The following IL1RAPL1 variants were observed in gnomAD, a reference collection of about 807,000 sequenced individuals.
IL1RAPL1 encodes interleukin-1 receptor accessory protein-like 1.
A neutral mutation model predicts 48.4 loss-of-function variants in IL1RAPL1; 3 were observed. That is an observed-to-expected ratio of 0.06 (90% CI 0.03 to 0.16). IL1RAPL1 has a LOEUF of 0.16. IL1RAPL1 is among the 10% of genes least tolerant of loss of function. IL1RAPL1 has a pLI of 1.00. For missense variants in IL1RAPL1, 349 were observed against 530.6 expected (o/e 0.66, Z 3.36); for synonymous variants, 185 against 187.7 (o/e 0.99, Z 0.12).
At chrX:29,180,217 CA>C (rs751397032) in intron 2 of IL1RAPL1, among the ~76,000 whole-genome samples, 1,162 of 101,590 alleles carry the variant, frequency 0.011, 22 homozygotes, top group African/African-American at 0.035. Flanking sequence ...GAACTACTGT[CA>C]AAAAAAAAAA....
At position 29,172,927 on chromosome X, in the gene IL1RAPL1, C is replaced by G. The variant is rs139171216; in HGVS notation, c.83-110011C>G. On this transcript the variant is annotated intron_variant, in intron 2 of 10. Coordinates refer to ENST00000378993, the MANE Select transcript of IL1RAPL1 (RefSeq NM_014271.4). ...TTTGGCATGGGATCATTTATCTGAC[C>G]ACAAGCTGAGCAGGGAGACTGTTGT... 1.3e-3 allele frequency among the ~76,000 whole-genome samples: 145 copies of G among 111,405 alleles called. No homozygotes were observed. The East Asian group carries it at 0.025, about 19-fold the overall frequency.
chrX:29,735,213 T>G (rs984227477), intron 6 of IL1RAPL1, among the ~76,000 whole-genome samples: 1 of 111,432 alleles, frequency 9.0e-6, no homozygotes, highest in Non-Finnish European at 1.9e-5. Flanking sequence ...CCTTGGCTCA[T>G]GGTCTCTTCC....
chrX:28,997,497 T>A (rs2147385716), intron 2 of IL1RAPL1, among the ~76,000 whole-genome samples: 1 of 111,197 alleles, frequency 9.0e-6, no homozygotes, highest in East Asian at 2.8e-4. Flanking sequence ...CCCTGTCATG[T>A]TTATCATTTA....
intron 5 of IL1RAPL1, among the ~76,000 whole-genome samples, chrX:29,465,389 G>C (rs905456647): frequency 8.9e-6 from 1 of 111,908 alleles, no homozygotes; most frequent in Non-Finnish European, 1.9e-5. Context: ...CTGGGTAACA[G>C]GGTGAGGCCC....
chrX:29,780,798 A>G (rs767281145), intron 6 of IL1RAPL1, among the ~76,000 whole-genome samples: 1 of 111,824 alleles, frequency 8.9e-6, no homozygotes. Flanking sequence ...TAATCATATT[A>G]AAGAGTGTTA....
chrX:28,601,349 T>C (rs1335299184), intron 1 of IL1RAPL1, among the ~76,000 whole-genome samples: 2 of 111,398 alleles, frequency 1.8e-5, no homozygotes, highest in African/African-American at 6.5e-5. Flanking sequence ...TGCTTGAACC[T>C]GGGAGGCAGA....
At chrX:29,255,126 TGTGTGTGTGTGTGTGC>T (rs1162145714) in intron 2 of IL1RAPL1, among the ~76,000 whole-genome samples, 3 of 96,495 alleles carry the variant, frequency 3.1e-5, no homozygotes, top group Admixed American at 1.1e-4. Context: ...AAGGTATTTG[TGTGTGTGTGTGTGTGC>T]GTGTGTGTGT....
At chrX:29,829,462 AC>A (rs66739089) in intron 6 of IL1RAPL1, among the ~76,000 whole-genome samples, 56,001 of 109,343 alleles carry the variant, frequency 0.51, 12,360 homozygotes, top group Non-Finnish European at 0.7. Flanking sequence ...AATAATCTGT[AC>A]AAGAATGAGG....
chrX:29,287,851 TTATCTTTTTGTCCTTC>T (rs1460572896), intron 3 of IL1RAPL1, among the ~76,000 whole-genome samples: 1 of 111,805 alleles, frequency 8.9e-6, no homozygotes, highest in East Asian at 2.8e-4. Flanking sequence ...TGCCTGTAGG[TTATCTTTTTGTCCTTC>T]TAACAGGGTC....
intron 3 of IL1RAPL1, among the ~76,000 whole-genome samples, chrX:29,333,437 G>A (rs1283383327): frequency 6.7e-5 from 6 of 89,808 alleles, no homozygotes; most frequent in Non-Finnish European, 1.2e-4. Flanking sequence ...CGGACGGGGC[G>A]GCTGGCCGGG....
intron 6 of IL1RAPL1, among the ~76,000 whole-genome samples, chrX:29,787,566 A>C (rs764960874): frequency 1.1e-3 from 125 of 111,810 alleles, no homozygotes; most frequent in African/African-American, 4.0e-3. Context: ...GAAATAACCC[A>C]CCAGGAAAAA....
intron 2 of IL1RAPL1, among the ~76,000 whole-genome samples, chrX:28,795,700 AT>A (rs1936603071): frequency 9.0e-6 from 1 of 111,010 alleles, no homozygotes; most frequent in Admixed American, 9.6e-5. Flanking sequence ...CTTATTACTT[AT>A]TATTGCTTAT....
At chrX:29,657,010 G>T (rs1042514747) in intron 5 of IL1RAPL1, among the ~76,000 whole-genome samples, 4 of 110,689 alleles carry the variant, frequency 3.6e-5, no homozygotes, top group Admixed American at 9.7e-5. Flanking sequence ...ATCTTTCTGG[G>T]TACTAAGCCT....
Position 29,806,229 on chromosome X carries a change from A to G in IL1RAPL1, c.779-111235A>G, listed in dbSNP as rs189254919. Among the ~76,000 whole-genome samples the G allele has an allele frequency of 1.1e-3, 119 of 111,798 alleles. 3 individuals are homozygous for G. In the East Asian group the frequency reaches 0.02, roughly 18 times the overall value. ...CGGGCACACGTGCGTGCACGCGTGC[A>G]CACACACACACTTAGAAAGTTGAAG... On this transcript the variant is annotated intron_variant, in intron 6 of 10. Transcript: ENST00000378993.
chrX:29,041,341 A>G (rs1377405201), intron 2 of IL1RAPL1, among the ~76,000 whole-genome samples: 1 of 111,717 alleles, frequency 9.0e-6, no homozygotes, highest in African/African-American at 3.3e-5. Flanking sequence ...CTTTGTCTGC[A>G]TGTAGCCACC....
intron 2 of IL1RAPL1, among the ~76,000 whole-genome samples, chrX:29,136,385 C>T (rs866194941): frequency 1.8e-5 from 2 of 111,684 alleles, no homozygotes; most frequent in Middle Eastern, 4.2e-3. Flanking sequence ...CCTCAGCCTC[C>T]CAAAGGGCTG....
intron 6 of IL1RAPL1, among the ~76,000 whole-genome samples, chrX:29,814,779 G>A (rs1930456854): frequency 8.9e-6 from 1 of 112,113 alleles, no homozygotes. Flanking sequence ...TAGGGATCCA[G>A]TTTCATTCTT....
rs190229999 is a variant in IL1RAPL1, at chrX:29,229,809, G to A, written c.83-53129G>A. On this transcript the variant is annotated intron_variant, in intron 2 of 10. Coordinates refer to ENST00000378993, the MANE Select transcript of IL1RAPL1 (RefSeq NM_014271.4). Reference sequence around the variant, plus strand: ...TTAGCCACCCTTTCTTATGCTTTCAGAATATATATTAAAGTGATCTGGGGT... The same window carrying A: ...TTAGCCACCCTTTCTTATGCTTTCAAAATATATATTAAAGTGATCTGGGGT... Among the ~76,000 whole-genome samples the A allele has an allele frequency of 2.7e-5, 3 of 112,059 alleles. No homozygotes were observed. The East Asian group carries it at 8.4e-4, about 31-fold the overall frequency.
At chrX:29,335,573 G>C (rs762259502) in intron 3 of IL1RAPL1, among the ~76,000 whole-genome samples, 1 of 109,722 alleles carries the variant, frequency 9.1e-6, no homozygotes, top group Non-Finnish European at 1.9e-5. Flanking sequence ...GTTGTAAAAA[G>C]TTACCACAAA....
Sources: gnomAD v4.1 joint callset for allele counts (sites outside exome capture counted in the v4.1 genomes callset) on GRCh38, gnomAD v4.1.1 for gene constraint, MANE v1.5 for transcripts, NCBI Gene and HGNC (gene_info 2026-07-23, HGNC 2026-07-21) for gene names.